The following PCDH15 variants were observed in gnomAD, a reference collection of about 807,000 sequenced individuals.
PCDH15 encodes the protein protocadherin related 15.
In PCDH15, 129 loss-of-function variants were observed where a neutral mutation model predicts 178.5. The observed-to-expected ratio is 0.72, with a 90% CI of 0.63 to 0.84. PCDH15 has a LOEUF of 0.84. Among genes scored for constraint, PCDH15 ranks in the 40% least tolerant of loss-of-function variants. PCDH15 has a pLI of 0.00. For synonymous variants in PCDH15, 800 were observed against 732.0 expected (o/e 1.09, Z -1.50); for missense variants, 2,230 against 2,099.9 (o/e 1.06, Z -1.21).
chr10:53,911,345 G>C (rs1029071110), intron 25 of PCDH15, among the ~76,000 whole-genome samples: 3 of 152,138 alleles, frequency 2.0e-5, no homozygotes, highest in Admixed American at 2.0e-4. Context: ...TGAACAACCT[G>C]CTCCTGAACG....
chr10:53,809,228 C>T (rs1401920789), intron 37 of PCDH15: 12 of 1,613,928 alleles, frequency 7.4e-6, no homozygotes, highest in Non-Finnish European at 8.5e-6. Context: ...TCACTGTATT[C>T]AGTATAGTCG....
At chr10:54,379,441 A>G (rs1437196373) in intron 3 of PCDH15, among the ~76,000 whole-genome samples, 2 of 152,184 alleles carry the variant, frequency 1.3e-5, no homozygotes, top group African/African-American at 2.4e-5. Context: ...GCAAATACAT[A>G]AAACATACAT....
chr10:55,156,223 G>A, intron 2 of PCDH15, among the ~76,000 whole-genome samples: 1 of 152,138 alleles, frequency 6.6e-6, no homozygotes, highest in East Asian at 1.9e-4. Flanking sequence ...TTAGCTTTAG[G>A]AGGTTTCTAT....
At chr10:55,435,235 G>A (rs1053695882) in intron 2 of PCDH15, among the ~76,000 whole-genome samples, 5 of 152,130 alleles carry the variant, frequency 3.3e-5, no homozygotes, top group Non-Finnish European at 7.4e-5. Context: ...TTTGGTATAA[G>A]CTTAAAGGTA....
At chr10:55,354,672 A>G (rs917629595) in intron 2 of PCDH15, among the ~76,000 whole-genome samples, 1 of 152,086 alleles carries the variant, frequency 6.6e-6, no homozygotes, top group Non-Finnish European at 1.5e-5. Context: ...ACAATTCATA[A>G]TAGGGCTGCT....
chr10:55,544,377 C>T (rs995055281), intron 2 of PCDH15, among the ~76,000 whole-genome samples: 3 of 151,386 alleles, frequency 2.0e-5, no homozygotes, highest in East Asian at 1.9e-4. Context: ...TGGATTTCTT[C>T]ACGAATCAAA....
chr10:54,671,916 G>A (rs1299278216), intron 1 of PCDH15, among the ~76,000 whole-genome samples: 2 of 152,024 alleles, frequency 1.3e-5, no homozygotes, highest in East Asian at 3.9e-4. Flanking sequence ...GTGAGTGGTG[G>A]GTGAGCAAGC....
intron 2 of PCDH15, among the ~76,000 whole-genome samples, chr10:55,432,946 C>T (rs1309094175): frequency 6.6e-6 from 1 of 151,862 alleles, no homozygotes; most frequent in African/African-American, 2.4e-5. Flanking sequence ...ATGGCCTGAA[C>T]CCTGGAGGTA....
intron 1 of PCDH15, among the ~76,000 whole-genome samples, chr10:55,216,399 T>G (rs935246102): frequency 6.6e-6 from 1 of 151,882 alleles, no homozygotes; most frequent in African/African-American, 2.4e-5. Context: ...AAATAAAAAT[T>G]TACAAATACG....
At chr10:54,780,748 A>G (rs969426772) in intron 1 of PCDH15, among the ~76,000 whole-genome samples, 10 of 151,646 alleles carry the variant, frequency 6.6e-5, no homozygotes, top group African/African-American at 1.5e-4. Context: ...AAAAAAAAAA[A>G]AAAGAAAATT....
intron 2 of PCDH15, among the ~76,000 whole-genome samples, chr10:55,143,561 C>T (rs1265158244): frequency 1.3e-5 from 2 of 151,792 alleles, no homozygotes; most frequent in African/African-American, 2.4e-5. Flanking sequence ...GATTTATCAC[C>T]GTGTTTTGCA....
intron 18 of PCDH15, among the ~76,000 whole-genome samples, chr10:54,045,732 CA>C (rs2093642247): frequency 6.6e-6 from 1 of 152,024 alleles, no homozygotes; most frequent in Non-Finnish European, 1.5e-5. Context: ...TTACGAATAA[CA>C]AGACAATAAA....
At chr10:55,119,249 C>T (rs984242388) in intron 2 of PCDH15, among the ~76,000 whole-genome samples, 7 of 152,220 alleles carry the variant, frequency 4.6e-5, no homozygotes, top group Admixed American at 4.6e-4. Context: ...TGTGAGATTG[C>T]ATAGGTCACA....
chr10:54,887,970 C>A (rs892846595), intron 3 of PCDH15, among the ~76,000 whole-genome samples: 2 of 152,084 alleles, frequency 1.3e-5, no homozygotes, highest in Non-Finnish European at 2.9e-5. Flanking sequence ...CCTTTAGGAA[C>A]TTTTGCTGAT....
At chr10:54,873,785 G>GTA (rs1306149313) in intron 3 of PCDH15, among the ~76,000 whole-genome samples, 8 of 146,944 alleles carry the variant, frequency 5.4e-5, no homozygotes, top group African/African-American at 7.4e-5. Context: ...GTGTGTGTGT[G>GTA]TATATATATA....
At chr10:55,147,245 A>G (rs1444671) in intron 2 of PCDH15, among the ~76,000 whole-genome samples, 56,279 of 151,140 alleles carry the variant, frequency 0.37, 10,889 homozygotes, top group Admixed American at 0.47. Flanking sequence ...AGGATAAATA[A>G]TCCCATGGCT....
chr10:54,828,850 G>T (rs1407577730), intron 3 of PCDH15, among the ~76,000 whole-genome samples: 1 of 151,958 alleles, frequency 6.6e-6, no homozygotes, highest in Non-Finnish European at 1.5e-5. Flanking sequence ...AGCCAGAAGT[G>T]TTATTTTAGA....
intron 2 of PCDH15, among the ~76,000 whole-genome samples, chr10:54,990,227 C>T (rs137868444): frequency 2.0e-5 from 3 of 152,336 alleles, no homozygotes; most frequent in Non-Finnish European, 4.4e-5. Flanking sequence ...CCTTAATAAA[C>T]TCTGCAGTAA....
At position 53,940,982 on chromosome 10, in the gene PCDH15, GT is replaced by G; in HGVS notation, c.3123-8del. The G allele has an allele frequency of 6.5e-7, 1 of 1,550,306 alleles. No individual in the cohort carries two copies. The highest frequency in any genetic ancestry group is 1.4e-5 in the African/African-American group (1 of 73,692). On this transcript the variant is annotated splice_polypyrimidine_tract_variant and splice_region_variant and intron_variant, in intron 23 of 37. Coordinates refer to ENST00000644397, the MANE Select transcript of PCDH15 (RefSeq NM_001384140.1). ...TTCACTTACTGGAGGAGGTCTGCAG[GT>G]TTAGAGAAGATGATGTATTTATTTT...
Sources: allele counts gnomAD v4.1 joint callset (sites outside exome capture counted in the v4.1 genomes callset), GRCh38; gene constraint gnomAD v4.1.1; transcripts MANE v1.5; gene names NCBI Gene and HGNC (gene_info 2026-07-23, HGNC 2026-07-21).